The following FRMD5 variants were observed in gnomAD, a reference collection of about 807,000 sequenced individuals.
The protein encoded by FRMD5 is FERM domain containing 5.
A neutral mutation model predicts 69.0 loss-of-function variants in FRMD5; 20 were observed. The ratio of observed to expected loss-of-function variants is 0.29; its 90% CI spans 0.20 to 0.42. The LOEUF is 0.42. Among genes scored for constraint, FRMD5 ranks in the 10% least tolerant of loss-of-function variants. FRMD5 has a pLI of 1.00. For synonymous variants in FRMD5, 271 were observed against 260.1 expected (o/e 1.04, Z -0.40); for missense variants, 595 against 708.6 (o/e 0.84, Z 1.82).
intron 1 of FRMD5, among the ~76,000 whole-genome samples, chr15:44,184,465 T>G (rs1049937686): frequency 6.6e-6 from 1 of 152,218 alleles, no homozygotes; most frequent in Admixed American, 6.5e-5. Context: ...CTCTTAAGTT[T>G]AAAAATGAAC....
chr15:44,004,334 T>C (rs1015280701), intron 1 of FRMD5, among the ~76,000 whole-genome samples: 3 of 152,246 alleles, frequency 2.0e-5, no homozygotes, highest in African/African-American at 4.8e-5. Flanking sequence ...CTTCACTTTA[T>C]TGTGACTCAC....
chr15:43,903,353 AC>A (rs1394168930), intron 6 of FRMD5, among the ~76,000 whole-genome samples: 1 of 152,088 alleles, frequency 6.6e-6, no homozygotes, highest in East Asian at 1.9e-4. Context: ...AGATAAGCTG[AC>A]CCCAGGCCAG....
chr15:44,100,400 C>A (rs1223087280), intron 1 of FRMD5, among the ~76,000 whole-genome samples: 1 of 152,074 alleles, frequency 6.6e-6, no homozygotes, highest in Non-Finnish European at 1.5e-5. Flanking sequence ...CAACTCTCCA[C>A]ATTGTCACCT....
intron 6 of FRMD5, 27 bp downstream of exon 6, chr15:43,905,801 T>C (rs763193686): frequency 6.2e-7 from 1 of 1,613,284 alleles, no homozygotes; most frequent in Admixed American, 1.7e-5. Context: ...AGCCACAATG[T>C]TCTGGGCCTG....
At chr15:43,925,733 G>A (rs937807661) in intron 1 of FRMD5, among the ~76,000 whole-genome samples, 1 of 152,110 alleles carries the variant, frequency 6.6e-6, no homozygotes, top group African/African-American at 2.4e-5. Flanking sequence ...TGGCCTTTCC[G>A]TTCTGAACTC....
chr15:44,159,347 A>G (rs1017209044), intron 1 of FRMD5, among the ~76,000 whole-genome samples: 6 of 152,176 alleles, frequency 3.9e-5, no homozygotes, highest in Non-Finnish European at 8.8e-5. Flanking sequence ...GGGCTAGACC[A>G]TAAAGGGCTT....
At chr15:44,172,439 A>C (rs1315743520) in intron 1 of FRMD5, among the ~76,000 whole-genome samples, 2 of 152,126 alleles carry the variant, frequency 1.3e-5, no homozygotes, top group African/African-American at 4.8e-5. Context: ...CAGAAAACAT[A>C]CATTAAGAGT....
chr15:44,159,656 T>C (rs912995682), intron 1 of FRMD5, among the ~76,000 whole-genome samples: 3 of 152,096 alleles, frequency 2.0e-5, no homozygotes, highest in African/African-American at 7.2e-5. Context: ...AGGAGAAGCA[T>C]CAGGTTGGAT....
Position 43,874,111 on chromosome 15 carries a change from T to A in FRMD5, c.1487A>T (p.Lys496Met). 1 of 1,614,166 alleles carries A rather than the reference T, an allele frequency of 6.2e-7. No individual in the cohort carries two copies. Among genetic ancestry groups the A allele is most frequent in the Non-Finnish European group, 8.5e-7 (1 of 1,180,020 alleles). Residue 496 changes from lysine (K) to methionine (M), a missense_variant, in exon 14 of 14, where the codon AAG (lysine) becomes ATG (methionine). By Grantham distance (95) the Lys-to-Met change is moderately conservative. This residue lies in a region of FRMD5 where 245 missense variants were observed against 227.1 expected (regional missense o/e 1.08). Transcript: ENST00000417257. Reference protein sequence around the residue: ...HSGPEEEQVNKFVLSVLRLLL... With the variant: ...HSGPEEEQVNMFVLSVLRLLL... Reference sequence around the variant, plus strand: ...CAAACGGAGGACACTTAGAACAAACTTATTCACCTGTTCCTCCTCGGGCCC... The same window carrying A: ...CAAACGGAGGACACTTAGAACAAACATATTCACCTGTTCCTCCTCGGGCCC...
At chr15:43,952,988 A>G (rs1422091570) in intron 1 of FRMD5, among the ~76,000 whole-genome samples, 4 of 152,236 alleles carry the variant, frequency 2.6e-5, no homozygotes, top group Non-Finnish European at 5.9e-5. Context: ...CCACTGCTGA[A>G]GAACCCCAGA....
At chr15:44,180,689 G>A (rs2077983322) in intron 1 of FRMD5, among the ~76,000 whole-genome samples, 1 of 152,152 alleles carries the variant, frequency 6.6e-6, no homozygotes, top group African/African-American at 2.4e-5. Context: ...GGAGGCTGAG[G>A]CAGGAGAATC....
At chr15:44,054,943 G>A (rs1441174463) in intron 1 of FRMD5, among the ~76,000 whole-genome samples, 4 of 151,902 alleles carry the variant, frequency 2.6e-5, no homozygotes, top group South Asian at 2.1e-4. Flanking sequence ...GGTGGCATGC[G>A]CCTGTAATCC....
intron 2 of FRMD5, 33 bp from the exon 3 acceptor site, chr15:43,919,842 A>T: frequency 6.3e-7 from 1 of 1,591,834 alleles, no homozygotes; most frequent in African/African-American, 1.3e-5. Context: ...TGAAAACCCT[A>T]ATGAGAAGGG....
intron 13 of FRMD5, among the ~76,000 whole-genome samples, chr15:43,878,932 C>CTTTTTTTT (rs71421808): frequency 1.8e-5 from 2 of 112,900 alleles, no homozygotes; most frequent in African/African-American, 3.7e-5. Context: ...TTTTTCTTTT[C>CTTTTTTTT]TTTTTTTTTT....
At chr15:44,187,914 T>C (rs1017589553) in intron 1 of FRMD5, among the ~76,000 whole-genome samples, 3 of 152,156 alleles carry the variant, frequency 2.0e-5, no homozygotes, top group East Asian at 1.9e-4. Context: ...TTCATCTCCT[T>C]TGAAAAACAA....
chr15:44,068,676 C>T (rs939319499), intron 1 of FRMD5, among the ~76,000 whole-genome samples: 2 of 152,146 alleles, frequency 1.3e-5, no homozygotes, highest in African/African-American at 4.8e-5. Flanking sequence ...AAATTACATA[C>T]TGGTGATGTT....
At chr15:44,194,713 C>A in intron 1 of FRMD5, 1 of 615,584 alleles carries the variant, frequency 1.6e-6, no homozygotes, top group South Asian at 1.8e-5. Context: ...CAGGGTAGGA[C>A]TTAGGGGTGT....
intron 1 of FRMD5, among the ~76,000 whole-genome samples, chr15:44,023,794 A>G (rs887809733): frequency 2.6e-5 from 4 of 152,204 alleles, no homozygotes; most frequent in Non-Finnish European, 4.4e-5. Flanking sequence ...AGCTCAGGTT[A>G]TTAACTGATT....
chr15:43,989,034 G>C lies in FRMD5; in HGVS notation c.103-64725C>G. The C allele has an allele frequency of 3.6e-6, 3 of 826,956 alleles. No homozygotes were observed. In the South Asian group the frequency reaches 3.9e-5, roughly 11 times the overall value. The allele number at this position is 826,956 out of a possible 1,614,324, so 51.2% of individuals were successfully genotyped here. On this transcript the variant is annotated intron_variant, in intron 1 of 13. Coordinates refer to ENST00000417257, the MANE Select transcript of FRMD5 (RefSeq NM_032892.5). Reference sequence around the variant, plus strand: ...GCAAGTTAGGTTTTGTCAAGAAAGGGTGTAACGCAACTAAGTCACAGTCCG... The same window carrying C: ...GCAAGTTAGGTTTTGTCAAGAAAGGCTGTAACGCAACTAAGTCACAGTCCG...
Sources: allele counts gnomAD v4.1 joint callset (sites outside exome capture counted in the v4.1 genomes callset), GRCh38; gene constraint gnomAD v4.1.1; regional missense constraint gnomAD v4.1.1; transcripts MANE v1.5; gene names NCBI Gene and HGNC (gene_info 2026-07-23, HGNC 2026-07-21).